The following GJB5 variants were observed in gnomAD, a reference collection of about 807,000 sequenced individuals.
The protein encoded by GJB5 is gap junction protein beta 5.
For synonymous variants in GJB5, 146 were observed against 145.5 expected (o/e 1.00, Z -0.02); for missense variants, 333 against 357.9 (o/e 0.93, Z 0.56).
chr1:34,757,599 TCGTGGTCATGCA>T lies in GJB5; in HGVS notation c.275_286del (p.Val92_Val95del). 1 of 1,614,032 alleles carries T rather than the reference TCGTGGTCATGCA, an allele frequency of 6.2e-7. No individual in the cohort carries two copies. ...ATCCTGGTGACATGCCCCTCACTGC[TCGTGGTCATGCA>T]CGTGGCCTACCGGGAGGTTCAGGAG... On this transcript the variant is annotated inframe_deletion, in exon 2 of 2. Coordinates refer to ENST00000338513, the MANE Select transcript of GJB5 (RefSeq NM_005268.4).
chr1:34,757,693 C>A lies in GJB5; in HGVS notation c.363C>A (p.Gly121=). The change falls in exon 2 of 2, where the codon GGC becomes GGA. Residue 121 remains glycine, a synonymous_variant. Coordinates refer to ENST00000338513, the MANE Select transcript of GJB5 (RefSeq NM_005268.4). ...GTGGGCGCCTCTACCTGAACCCCGG[C>A]AAGAAGCGGGGTGGGCTCTGGTGGA... The part of the protein sequence containing the change: ...ENSGRLYLNP[G]KKRGGLWWTY... 1 of 1,613,980 alleles carries A rather than the reference C, an allele frequency of 6.2e-7. No homozygotes were observed. Among genetic ancestry groups the A allele is most frequent in the Non-Finnish European group, 8.5e-7 (1 of 1,179,998 alleles).
In GJB5 at chr1:34,757,399, C is replaced by G. The variant is rs761690888; in HGVS notation, c.69C>G (p.Ile23Met). Residue 23 changes from isoleucine to methionine, a missense_variant, in exon 2 of 2, where the codon ATC becomes ATG. Coordinates refer to ENST00000338513, the MANE Select transcript of GJB5 (RefSeq NM_005268.4). ...VNKYSTAFGR[I>M]WLSLVFIFRV... ...AGTACTCCACAGCCTTTGGGCGCAT[C>G]TGGCTGTCTCTGGTCTTCATCTTCC... is the stretch of plus-strand genomic sequence containing the variant. The G allele has an allele frequency of 6.2e-7, 1 of 1,614,232 alleles. No homozygotes were observed. The highest frequency in any genetic ancestry group is 8.5e-7 in the Non-Finnish European group (1 of 1,180,022).
chr1:34,757,885 T>A lies in GJB5; in HGVS notation c.555T>A (p.Ile185=), dbSNP rs1379439637. ...TCTCCAAGCCCTCAGAGAAGAACAT[T>A]TTCACCCTCTTCATGGTGGCCACAG... ...CFISKPSEKN[I]FTLFMVATAA... The change falls in exon 2 of 2, where the codon ATT becomes ATA. Residue 185 remains isoleucine (I), a synonymous_variant. Transcript: ENST00000338513. The A allele has an allele frequency of 3.7e-6, 6 of 1,613,668 alleles. No homozygotes were observed. The highest frequency in any genetic ancestry group is 5.1e-6 in the Non-Finnish European group (6 of 1,179,976).
chr1:34,755,463 G>A (rs1299860831), intron 1 of GJB5, among the ~76,000 whole-genome samples: 1 of 152,076 alleles, frequency 6.6e-6, no homozygotes, highest in Non-Finnish European at 1.5e-5. Flanking sequence ...GGATGGGCTG[G>A]GTGAGAGCCC....
At position 34,758,346 on chromosome 1, in the gene GJB5, T is replaced by A. The variant is rs1639639583; in HGVS notation, c.*194T>A. On this transcript the variant is annotated 3_prime_UTR_variant, in exon 2 of 2. Transcript: ENST00000338513. ...CCCCAGCTCGACGGCACTGGGCCAG[T>A]TCCCCCTCTGCTCTGCAGCTCGGTT... is the stretch of plus-strand genomic sequence containing the variant. 6.6e-6 allele frequency: 4 copies of A among 610,658 alleles called. No individual in the cohort carries two copies. Among genetic ancestry groups the A allele is most frequent in the Middle Eastern group, 9.0e-4 (2 of 2,216 alleles). 37.8% of individuals were successfully genotyped at this position (610,658 alleles called of 1,614,324 possible).
At position 34,757,945 on chromosome 1, in the gene GJB5, C is replaced by T. The variant is rs72655770; in HGVS notation, c.615C>T (p.Leu205=). The change falls in exon 2 of 2, where the codon CTC becomes CTT. Residue 205 remains leucine, a synonymous_variant. Coordinates refer to ENST00000338513, the MANE Select transcript of GJB5 (RefSeq NM_005268.4). ...GCATCCTGCTCAACCTCGTGGAGCT[C>T]ATCTACCTGGTGAGCAAGAGATGCC... is the stretch of plus-strand genomic sequence containing the variant. ...AICILLNLVE[L]IYLVSKRCHE... 445 of 1,614,040 alleles carry T rather than the reference C, an allele frequency of 2.8e-4. No homozygotes were observed. Among genetic ancestry groups the T allele is most frequent in the Admixed American group, 3.5e-4 (21 of 60,016 alleles).
intron 1 of GJB5, 65 bp from the exon 2 acceptor site, chr1:34,757,242 T>C: frequency 2.3e-6 from 2 of 875,532 alleles, no homozygotes; most frequent in Non-Finnish European, 3.6e-6. Flanking sequence ...ATGACATATT[T>C]CTACAAAGTG....
Position 34,757,703 on chromosome 1 carries a change from G to T in GJB5, c.373G>T (p.Gly125Cys). The change falls in exon 2 of 2, where the codon GGT becomes TGT. Residue 125 changes from glycine (G) to cysteine (C), a missense_variant. Transcript: ENST00000338513. ...CTACCTGAACCCCGGCAAGAAGCGG[G>T]GTGGGCTCTGGTGGACATATGTCTG... The part of the protein sequence containing the change: ...RLYLNPGKKR[G>C]GLWWTYVCSL... 1 of 1,613,974 alleles carries T rather than the reference G, an allele frequency of 6.2e-7. No homozygotes were observed. The highest frequency in any genetic ancestry group is 8.5e-7 in the Non-Finnish European group (1 of 1,179,998).
In GJB5 at chr1:34,755,747, G is replaced by A. The variant is rs7517713; in HGVS notation, c.-25+552G>A. Among the ~76,000 whole-genome samples, 1,036 of 152,306 alleles carry A rather than the reference G, an allele frequency of 6.8e-3. 11 individuals are homozygous for A. Among genetic ancestry groups the A allele is most frequent in the African/African-American group, 0.024 (992 of 41,548 alleles). On this transcript the variant is annotated intron_variant, in intron 1 of 1. Coordinates refer to ENST00000338513, the MANE Select transcript of GJB5 (RefSeq NM_005268.4). ...ACAGGCAGGCAGCTCATTGAAACTT[G>A]AGGAAAGGGTCTGAGGCCTAAGGCT...
chr1:34,756,114 C>A (rs1324226792), intron 1 of GJB5, among the ~76,000 whole-genome samples: 2 of 152,114 alleles, frequency 1.3e-5, no homozygotes, highest in African/African-American at 2.4e-5. Flanking sequence ...ATCATGAGCC[C>A]TTTAGTGGCT....
Position 34,758,385 on chromosome 1 carries a change from T to G in GJB5, c.*233T>G, listed in dbSNP as rs982158629. ...TGCAGCTCGGTTTCCTTTTCTAGAATGGAAATAGTGAGGGCCAATGCCCAG... is the reference window on the plus strand; with the variant it reads ...TGCAGCTCGGTTTCCTTTTCTAGAAGGGAAATAGTGAGGGCCAATGCCCAG... On this transcript the variant is annotated 3_prime_UTR_variant, in exon 2 of 2. Transcript: ENST00000338513. 6.9e-6 allele frequency: 4 copies of G among 579,796 alleles called. No homozygotes were observed. The Admixed American group carries it at 9.2e-5, about 13-fold the overall frequency. The allele number at this position is 579,796 out of a possible 1,614,324, so 35.9% of individuals were successfully genotyped here.
intron 1 of GJB5, among the ~76,000 whole-genome samples, chr1:34,756,177 T>G (rs1639578753): frequency 6.6e-6 from 1 of 152,142 alleles, no homozygotes; most frequent in African/African-American, 2.4e-5. Context: ...GAAACCACAG[T>G]GCATGGGTCT....
Position 34,758,169 on chromosome 1 carries a change from G to T in GJB5, c.*17G>T, listed in dbSNP as rs1433494525. Reference sequence around the variant, plus strand: ...ATCTTGTGAGGGGCTGCCTGGACTGGTCTGGCAGGTTGGGCCTGGATGGGG... The same window carrying T: ...ATCTTGTGAGGGGCTGCCTGGACTGTTCTGGCAGGTTGGGCCTGGATGGGG... On this transcript the variant is annotated 3_prime_UTR_variant, in exon 2 of 2. Coordinates refer to ENST00000338513, the MANE Select transcript of GJB5 (RefSeq NM_005268.4). 3 of 1,597,148 alleles carry T rather than the reference G, an allele frequency of 1.9e-6. No individual in the cohort carries two copies. The highest frequency in any genetic ancestry group is 1.3e-5 in the African/African-American group (1 of 74,648).
rs921105482 is a variant in GJB5 at position 34,757,858 on chromosome 1, C to A, written c.528C>A (p.Phe176Leu). The A allele has an allele frequency of 6.2e-7, 1 of 1,613,974 alleles. No homozygotes were observed. The highest frequency in any genetic ancestry group is 1.6e-4 in the Middle Eastern group (1 of 6,062). The change falls in exon 2 of 2, where the codon TTC becomes TTA. Residue 176 changes from phenylalanine to leucine, a missense_variant. By Grantham distance (22) the Phe-to-Leu change is conservative. Transcript: ENST00000338513. ...ADPCPNIVDC[F>L]ISKPSEKNIF... is the part of the protein sequence containing the mutation. ...CATGTCCCAATATAGTGGACTGCTT[C>A]ATCTCCAAGCCCTCAGAGAAGAACA...
rs1273619398 is a variant in GJB5, at chr1:34,757,043, C to T, written c.-24-264C>T. Among the ~76,000 whole-genome samples, 4 of 152,298 alleles carry T rather than the reference C, an allele frequency of 2.6e-5. No homozygotes were observed. In the South Asian group the frequency reaches 6.2e-4, roughly 24 times the overall value. ...GGGGAGGAATGAGTGGCTCCCTGGA[C>T]CTGCCCTTATCCACTGGTATTGGTA... On this transcript the variant is annotated intron_variant, in intron 1 of 1. Coordinates refer to ENST00000338513, the MANE Select transcript of GJB5 (RefSeq NM_005268.4).
rs1639610593 is a variant in GJB5, at chr1:34,757,396, C to T, written c.66C>T (p.Arg22=). 1 of 1,614,100 alleles carries T rather than the reference C, an allele frequency of 6.2e-7. No individual in the cohort carries two copies. The highest frequency in any genetic ancestry group is 8.5e-7 in the Non-Finnish European group (1 of 1,180,048). Residue 22 remains arginine, a synonymous_variant, in exon 2 of 2, where the codon CGC becomes CGT. Coordinates refer to ENST00000338513, the MANE Select transcript of GJB5 (RefSeq NM_005268.4). ...ACAAGTACTCCACAGCCTTTGGGCGCATCTGGCTGTCTCTGGTCTTCATCT... is the reference window on the plus strand; with the variant it reads ...ACAAGTACTCCACAGCCTTTGGGCGTATCTGGCTGTCTCTGGTCTTCATCT... ...GVNKYSTAFG[R]IWLSLVFIFR...
chr1:34,758,254 G>A lies in GJB5; in HGVS notation c.*102G>A. ...GTGGGGGAGCTAAGCCATGAGGTAG[G>A]GGCAGGCAAGAGAGAGGATTCAGAC... On this transcript the variant is annotated 3_prime_UTR_variant, in exon 2 of 2. Coordinates refer to ENST00000338513, the MANE Select transcript of GJB5 (RefSeq NM_005268.4). 1 of 866,914 alleles carries A rather than the reference G, an allele frequency of 1.2e-6. No homozygotes were observed. The allele number at this position is 866,914 out of a possible 1,614,324, so 53.7% of individuals were successfully genotyped here. A position where few individuals can be genotyped will look rare whatever the true frequency, so the allele number is the denominator to read the frequency against.
chr1:34,756,274 G>A (rs1220994447), intron 1 of GJB5, among the ~76,000 whole-genome samples: 2 of 152,242 alleles, frequency 1.3e-5, no homozygotes, highest in African/African-American at 2.4e-5. Flanking sequence ...AGCAGTCACA[G>A]TCCTTACGCG....
chr1:34,755,072 G>A lies in GJB5; in HGVS notation c.-148G>A, dbSNP rs1639554975. The A allele has an allele frequency of 6.6e-6, 1 of 152,448 alleles. No homozygotes were observed. The highest frequency in any genetic ancestry group is 2.1e-4 in the South Asian group (1 of 4,836). 9.4% of individuals were successfully genotyped at this position (152,448 alleles called of 1,614,324 possible). A position where few individuals can be genotyped will look rare whatever the true frequency, so the allele number is the denominator to read the frequency against. ...AGCACACCCGGCAGGCTCTGTCCTG[G>A]AAACAGGCTTCAACGGGCTTCCCCG... is the stretch of plus-strand genomic sequence containing the variant. On this transcript the variant is annotated 5_prime_UTR_variant, in exon 1 of 2. Transcript: ENST00000338513.
Sources: allele counts gnomAD v4.1 joint callset (sites outside exome capture counted in the v4.1 genomes callset), GRCh38; gene constraint gnomAD v4.1.1; transcripts MANE v1.5; gene names NCBI Gene and HGNC (gene_info 2026-07-23, HGNC 2026-07-21).